The following RASGEF1A variants were observed in gnomAD, a reference collection of about 807,000 sequenced individuals.
The protein encoded by RASGEF1A is ras-GEF domain-containing family member 1A.
In RASGEF1A, 18 loss-of-function variants were observed where a neutral mutation model predicts 56.4. The observed-to-expected ratio is 0.32, with a 90% CI of 0.22 to 0.47. RASGEF1A has a LOEUF of 0.47. Ranked by LOEUF, RASGEF1A falls within the 20% of genes least tolerant of loss-of-function variation. The pLI, the probability that RASGEF1A is intolerant of heterozygous loss-of-function variation, is 1.00. For missense variants in RASGEF1A, 422 were observed against 627.1 expected (o/e 0.67, Z 3.49); for synonymous variants, 245 against 242.6 (o/e 1.01, Z -0.09).
intron 7 of RASGEF1A, 84 bp downstream of exon 7, chr10:43,199,592 A>C: frequency 8.9e-7 from 1 of 1,122,178 alleles, no homozygotes; most frequent in Non-Finnish European, 1.3e-6. Context: ...TTAAAGTTCC[A>C]TCATCTAATT....
At chr10:43,232,678 G>C (rs552700473) in intron 1 of RASGEF1A, among the ~76,000 whole-genome samples, 2 of 152,170 alleles carry the variant, frequency 1.3e-5, no homozygotes, top group African/African-American at 4.8e-5. Context: ...GTAGAGACAG[G>C]GTTTCACCGT....
chr10:43,200,212 G>A lies in RASGEF1A; in HGVS notation c.726C>T (p.Val242=), dbSNP rs1270068387. 1 of 1,606,326 alleles carries A rather than the reference G, an allele frequency of 6.2e-7. No individual in the cohort carries two copies. The highest frequency in any genetic ancestry group is 1.3e-5 in the African/African-American group (1 of 74,814). Residue 242 remains valine, a synonymous_variant, in exon 6 of 13, where the codon GTC becomes GTT. Coordinates refer to ENST00000395810, the MANE Select transcript of RASGEF1A (RefSeq NM_145313.4). ...GGTTGTCCAAGGAGTCCATGTGGCT[G>A]ACGATCTGCATCAAGTCCTCAGGGT... ...SIYPEDLMQI[V]SHMDSLDNHR...
chr10:43,202,596 A>C, intron 3 of RASGEF1A: 1 of 462,900 alleles, frequency 2.2e-6, no homozygotes. Flanking sequence ...GCCAGCCAAG[A>C]CTCCGCGCCA....
intron 1 of RASGEF1A, among the ~76,000 whole-genome samples, chr10:43,242,793 G>A (rs963718194): frequency 1.9e-5 from 2 of 106,764 alleles, no homozygotes; most frequent in African/African-American, 2.8e-5. Flanking sequence ...TCGGTCTCCC[G>A]AGGTGCTGGG....
chr10:43,200,769 C>T lies in RASGEF1A; in HGVS notation c.579G>A (p.Lys193=), dbSNP rs61758758. Residue 193 remains lysine (K), a synonymous_variant, in exon 5 of 13, where the codon AAG becomes AAA. Coordinates refer to ENST00000395810, the MANE Select transcript of RASGEF1A (RefSeq NM_145313.4). ...GTGGCTTGGTCTTGAGGATGGGCCC[C>T]TTGTCTACAGCCGGTGGCCGGAGCT... ...REKLRPPAVD[K]GPILKTKPPA... 1,736 of 1,613,972 alleles carry T rather than the reference C, an allele frequency of 1.1e-3. 1 individual carries two copies. Among genetic ancestry groups the T allele is most frequent in the Non-Finnish European group, 1.3e-3 (1,530 of 1,180,034 alleles).
intron 1 of RASGEF1A, among the ~76,000 whole-genome samples, chr10:43,216,231 A>G (rs1405051953): frequency 6.6e-6 from 1 of 152,044 alleles, no homozygotes; most frequent in South Asian, 2.1e-4. Context: ...ACATCCCACC[A>G]CCACCGCCAT....
chr10:43,200,153 A>C (rs969529219), intron 6 of RASGEF1A, 29 bp downstream of exon 6: 1 of 1,558,662 alleles, frequency 6.4e-7, no homozygotes, highest in Non-Finnish European at 8.7e-7. Context: ...CAGGGCTGGC[A>C]GGGGTGCCAC....
chr10:43,229,028 AGCGTGGGAAATGC>A (rs1840321244), intron 1 of RASGEF1A, among the ~76,000 whole-genome samples: 1 of 152,160 alleles, frequency 6.6e-6, no homozygotes. Context: ...CTCCATAAAC[AGCGTGGGAAATGC>A]CAGTGCTCCA....
chr10:43,199,225 G>A lies in RASGEF1A; in HGVS notation c.850-31C>T, dbSNP rs760449957. On this transcript the variant is annotated intron_variant, in intron 7 of 12. Transcript: ENST00000395810. ...AGGTGGCAGGTGACCTCAGCATGGCGCTGCCGGGGGACAGCAGGAGCTGGG... is the reference window on the plus strand; with the variant it reads ...AGGTGGCAGGTGACCTCAGCATGGCACTGCCGGGGGACAGCAGGAGCTGGG... 1.9e-5 allele frequency: 29 copies of A among 1,535,842 alleles called. 1 individual carries two copies. The highest frequency in any genetic ancestry group is 8.2e-5 in the African/African-American group (6 of 73,238).
chr10:43,255,174 G>C (rs943165885), intron 1 of RASGEF1A, among the ~76,000 whole-genome samples: 3 of 152,144 alleles, frequency 2.0e-5, no homozygotes, highest in African/African-American at 4.8e-5. Context: ...CAGCAGGAAG[G>C]ACAGCAGGAT....
intron 1 of RASGEF1A, among the ~76,000 whole-genome samples, chr10:43,217,518 C>T (rs564249481): frequency 4.6e-5 from 7 of 152,264 alleles, no homozygotes; most frequent in Non-Finnish European, 1.0e-4. Context: ...CTCTACCACA[C>T]CTAGGTCCTC....
chr10:43,255,453 G>A (rs1231364485), intron 1 of RASGEF1A, among the ~76,000 whole-genome samples: 2 of 152,300 alleles, frequency 1.3e-5, no homozygotes, highest in Admixed American at 6.5e-5. Flanking sequence ...GGGGACAGCT[G>A]CCCCCACCTC....
chr10:43,233,686 G>A (rs1233522158), intron 1 of RASGEF1A, among the ~76,000 whole-genome samples: 1 of 152,210 alleles, frequency 6.6e-6, no homozygotes, highest in Non-Finnish European at 1.5e-5. Context: ...GTCAGCTGGT[G>A]CAGCCAGGCG....
At chr10:43,265,089 G>A (rs187693255) in intron 1 of RASGEF1A, among the ~76,000 whole-genome samples, 106 of 152,206 alleles carry the variant, frequency 7.0e-4, no homozygotes, top group African/African-American at 2.4e-3. Flanking sequence ...CACTGTGTGC[G>A]TGGCTCTCCC....
In RASGEF1A at chr10:43,196,157, G is replaced by A; in HGVS notation, c.*87C>T. 1 of 1,262,480 alleles carries A rather than the reference G, an allele frequency of 7.9e-7. No individual in the cohort carries two copies. Among genetic ancestry groups the A allele is most frequent in the Non-Finnish European group, 1.1e-6 (1 of 883,838 alleles). The allele number at this position is 1,262,480 out of a possible 1,614,324, so 78.2% of individuals were successfully genotyped here. A position where few individuals can be genotyped will look rare whatever the true frequency, so the allele number is the denominator to read the frequency against. On this transcript the variant is annotated 3_prime_UTR_variant, in exon 13 of 13. Transcript: ENST00000395810. The surrounding 1 kb of genome is among the most constrained non-coding windows in gnomAD (Gnocchi z 4.6). ...ATATACAAAATGGACCCCAACCAGT[G>A]AGGCCTCCTCATCTCAACCCACATC...
intron 1 of RASGEF1A, among the ~76,000 whole-genome samples, chr10:43,248,660 CT>C (rs1840593557): frequency 6.6e-6 from 1 of 151,464 alleles, no homozygotes; most frequent in Non-Finnish European, 1.5e-5. Flanking sequence ...ATTTTTTTTT[CT>C]TGAATGGTGT....
chr10:43,206,288 T>C (rs1324321804), intron 1 of RASGEF1A, among the ~76,000 whole-genome samples, 166 bp from the exon 2 acceptor site: 2 of 152,026 alleles, frequency 1.3e-5, no homozygotes, highest in Non-Finnish European at 2.9e-5. Context: ...GCAGGCGGGC[T>C]CCTTGGTGGT....
At chr10:43,216,182 G>A (rs1840134288) in intron 1 of RASGEF1A, among the ~76,000 whole-genome samples, 1 of 152,140 alleles carries the variant, frequency 6.6e-6, no homozygotes, top group Non-Finnish European at 1.5e-5. Flanking sequence ...TCCCCACCCT[G>A]CCAGGAGCGG....
At chr10:43,238,224 C>T (rs1204719463) in intron 1 of RASGEF1A, among the ~76,000 whole-genome samples, 4 of 151,916 alleles carry the variant, frequency 2.6e-5, no homozygotes, top group Admixed American at 6.6e-5. Flanking sequence ...TTAGCCGTGG[C>T]TAGTTTATGT....
Sources: gnomAD v4.1 joint callset for allele counts (sites outside exome capture counted in the v4.1 genomes callset) on GRCh38, gnomAD v4.1.1 for gene constraint, Gnocchi (gnomAD v3.1) non-coding constraint, MANE v1.5 for transcripts, NCBI Gene and HGNC (gene_info 2026-07-23, HGNC 2026-07-21) for gene names.